RETREG1: variants seen among roughly 807,000 people sequenced by gnomAD.
The protein encoded by RETREG1 is family with sequence similarity 134 member B.
In RETREG1, 44 loss-of-function variants were observed where a neutral mutation model predicts 54.8. The observed-to-expected ratio is 0.80, with a 90% confidence interval of 0.63 to 1.03. The LOEUF (loss-of-function observed/expected upper bound fraction) is 1.03, where lower values mean the gene tolerates loss of function less well. RETREG1 is among the 50% of genes least tolerant of loss of function. RETREG1 has a pLI of 0.00. For missense variants in RETREG1, 554 were observed against 605.1 expected (o/e 0.92, Z 0.89); for synonymous variants, 217 against 238.5 (o/e 0.91, Z 0.83).
chr5:16,528,200 G>C (rs1282666851), intron 3 of RETREG1, among the ~76,000 whole-genome samples: 2 of 152,098 alleles, frequency 1.3e-5, no homozygotes, highest in Non-Finnish European at 2.9e-5. Flanking sequence ...AGTGGCCTTA[G>C]TGTCAATAAA....
chr5:16,545,773 C>A (rs1741369630), intron 3 of RETREG1, among the ~76,000 whole-genome samples: 1 of 152,154 alleles, frequency 6.6e-6, no homozygotes, highest in African/African-American at 2.4e-5. Flanking sequence ...ATAATAATTC[C>A]TCCTTTGTTG....
At chr5:16,604,454 C>T (rs373627774) in intron 1 of RETREG1, among the ~76,000 whole-genome samples, 1 of 152,190 alleles carries the variant, frequency 6.6e-6, no homozygotes, top group African/African-American at 2.4e-5. Flanking sequence ...GCAGGAATTC[C>T]GTTAATTATG....
rs112541818 is a variant in RETREG1, at chr5:16,563,475, G to C, written c.458+2288C>G. Among the ~76,000 whole-genome samples, 1,034 of 152,072 alleles carry C rather than the reference G, an allele frequency of 6.8e-3. 7 individuals are homozygous for C. The highest frequency in any genetic ancestry group is 0.024 in the African/African-American group (988 of 41,474). On this transcript the variant is annotated intron_variant, in intron 3 of 8. Transcript: ENST00000306320. ...GGTCTCCCTACCATTGCCCAGGCTG[G>C]TCTCAAACTCCTGGGCTCAAGCAAT...
intron 3 of RETREG1, among the ~76,000 whole-genome samples, chr5:16,489,615 C>T (rs1458792401): frequency 6.6e-6 from 1 of 152,238 alleles, no homozygotes; most frequent in Non-Finnish European, 1.5e-5. Context: ...CATTTAACTT[C>T]TGTTCGTTTT....
rs375121648 is a variant in RETREG1, at chr5:16,565,981, C to T, written c.428-188G>A. Among the ~76,000 whole-genome samples the T allele has an allele frequency of 1.1e-3, 169 of 152,336 alleles. 1 individual carries two copies. The highest frequency in any genetic ancestry group is 3.8e-3 in the African/African-American group (158 of 41,588). ...AATTCAGGCAATTCGTCCACATATA[C>T]TTATTGAGATCCTACTACATGTAAA... On this transcript the variant is annotated intron_variant, in intron 2 of 8. Transcript: ENST00000306320.
intron 3 of RETREG1, among the ~76,000 whole-genome samples, chr5:16,496,852 T>G (rs1388017649): frequency 6.6e-6 from 1 of 152,224 alleles, no homozygotes. Context: ...TTGGCTTTGT[T>G]GGCTATACAA....
In RETREG1 at chr5:16,572,019, T is replaced by A; in HGVS notation, c.404A>T (p.Asp135Val). Residue 135 changes from aspartate (D) to valine (V), a missense_variant, in exon 2 of 9, where the codon GAT becomes GTT. Coordinates refer to ENST00000306320, the MANE Select transcript of RETREG1 (RefSeq NM_001034850.3). ...ACCTCTTGTTCTAGACAAAACCATA[T>A]CCTTTATTATTTGCATAATAACACG... is the stretch of plus-strand genomic sequence containing the variant. ...LGRVIMQIIK[D>V]MVLSRTRGAQ... The A allele has an allele frequency of 6.2e-7, 1 of 1,612,916 alleles. No homozygotes were observed. The highest frequency in any genetic ancestry group is 1.1e-5 in the South Asian group (1 of 91,060).
At position 16,575,271 on chromosome 5, in the gene RETREG1, A is replaced by G. The variant is rs566705794; in HGVS notation, c.321-3169T>C. 9.5e-4 allele frequency among the ~76,000 whole-genome samples: 145 copies of G among 152,304 alleles called. 1 individual carries two copies. The highest frequency in any genetic ancestry group is 2.9e-3 in the South Asian group (14 of 4,826). ...GAATCACTCGCCTGACTCAGGGCCCACTAATGAGCTGTAATGCGCAGCTCG... is the reference window on the plus strand; with the variant it reads ...GAATCACTCGCCTGACTCAGGGCCCGCTAATGAGCTGTAATGCGCAGCTCG... On this transcript the variant is annotated intron_variant, in intron 1 of 8. Coordinates refer to ENST00000306320, the MANE Select transcript of RETREG1 (RefSeq NM_001034850.3).
chr5:16,478,800 C>T (rs528976746), intron 6 of RETREG1, 50 bp downstream of exon 6: 21 of 1,561,582 alleles, frequency 1.3e-5, no homozygotes, highest in South Asian at 7.9e-5. Flanking sequence ...AAAAATAGCT[C>T]GCTAATGTCT....
chr5:16,510,732 G>A (rs1740144069), intron 3 of RETREG1, among the ~76,000 whole-genome samples: 2 of 145,704 alleles, frequency 1.4e-5, no homozygotes, highest in Admixed American at 7.0e-5. Context: ...GGAGGTTGCT[G>A]TAAGCCTAGA....
At chr5:16,520,432 C>T (rs542162155) in intron 3 of RETREG1, among the ~76,000 whole-genome samples, 2 of 152,052 alleles carry the variant, frequency 1.3e-5, no homozygotes, top group South Asian at 2.1e-4. Context: ...CGCGTTCAAG[C>T]GATTCTCCTG....
chr5:16,475,341 G>GC, intron 8 of RETREG1, 107 bp from the exon 9 acceptor site: 2 of 1,284,042 alleles, frequency 1.6e-6, no homozygotes, highest in East Asian at 5.0e-5. Flanking sequence ...GGCAACCTTG[G>GC]CATTCATCTA....
chr5:16,559,174 A>G (rs1256487994), intron 3 of RETREG1, among the ~76,000 whole-genome samples: 1 of 152,112 alleles, frequency 6.6e-6, no homozygotes, highest in Non-Finnish European at 1.5e-5. Flanking sequence ...TTCACTGGCC[A>G]TTTTCTGGAA....
At chr5:16,611,862 C>T (rs775884217) in intron 1 of RETREG1, among the ~76,000 whole-genome samples, 7 of 152,036 alleles carry the variant, frequency 4.6e-5, no homozygotes, top group Non-Finnish European at 7.4e-5. Context: ...ATCAGGAGTT[C>T]GTGACCAGCC....
chr5:16,602,742 T>C (rs911679447), intron 1 of RETREG1, among the ~76,000 whole-genome samples: 7 of 152,290 alleles, frequency 4.6e-5, no homozygotes, highest in Middle Eastern at 6.8e-3. Flanking sequence ...GTGCAGTGGC[T>C]CATGCCTGTA....
chr5:16,584,694 C>T (rs2126329296), intron 1 of RETREG1, among the ~76,000 whole-genome samples: 1 of 152,192 alleles, frequency 6.6e-6, no homozygotes, highest in East Asian at 1.9e-4. Flanking sequence ...GCCTTTTATG[C>T]AGATTCTGCA....
chr5:16,600,455 C>A (rs1743022738), intron 1 of RETREG1, among the ~76,000 whole-genome samples: 1 of 152,230 alleles, frequency 6.6e-6, no homozygotes, highest in African/African-American at 2.4e-5. Flanking sequence ...GGTAACAGGA[C>A]AGAAGAGAGC....
At chr5:16,559,512 T>C (rs1741799282) in intron 3 of RETREG1, among the ~76,000 whole-genome samples, 1 of 152,326 alleles carries the variant, frequency 6.6e-6, no homozygotes, top group Non-Finnish European at 1.5e-5. Flanking sequence ...GAAAATCCGA[T>C]AGCTCTCAGC....
chr5:16,589,326 T>TC (rs1465261435), intron 1 of RETREG1, among the ~76,000 whole-genome samples: 4 of 151,796 alleles, frequency 2.6e-5, no homozygotes, highest in African/African-American at 9.7e-5. Flanking sequence ...GTTTTTTTTT[T>TC]TTTCAAAAAG....
Sources: gnomAD v4.1 joint callset for allele counts (sites outside exome capture counted in the v4.1 genomes callset) on GRCh38, gnomAD v4.1.1 for gene constraint, MANE v1.5 for transcripts, NCBI Gene and HGNC (gene_info 2026-07-23, HGNC 2026-07-21) for gene names.